The following ARPP21 variants were observed in gnomAD, a reference collection of about 807,000 sequenced individuals.
The protein encoded by ARPP21 is cAMP regulated phosphoprotein 21, also known as cAMP-regulated phosphoprotein 21.
A neutral mutation model predicts 113.2 loss-of-function variants in ARPP21; 69 were observed. The ratio of observed to expected loss-of-function variants is 0.61; its 90% CI spans 0.50 to 0.74. The LOEUF is 0.74. Ranked by LOEUF, ARPP21 falls within the 30% of genes least tolerant of loss-of-function variation. ARPP21 has a pLI of 0.00. For synonymous variants in ARPP21, 368 were observed against 375.5 expected (o/e 0.98, Z 0.23); for missense variants, 1,070 against 1,037.4 (o/e 1.03, Z -0.43).
chr3:35,657,421 G>T (rs988438903), intron 1 of ARPP21, among the ~76,000 whole-genome samples: 2 of 152,102 alleles, frequency 1.3e-5, no homozygotes, highest in Non-Finnish European at 2.9e-5. Flanking sequence ...ATCTGATCAG[G>T]TGATATCAAT....
In ARPP21 at chr3:35,708,984, CCA is replaced by C; in HGVS notation, c.812_813del (p.Pro271LeufsTer2). 1 of 1,612,838 alleles carries C rather than the reference CCA, an allele frequency of 6.2e-7. No homozygotes were observed. Among genetic ancestry groups the C allele is most frequent in the Non-Finnish European group, 8.5e-7 (1 of 1,179,144 alleles). On this transcript the variant is annotated frameshift_variant, in exon 11 of 21. Transcript: ENST00000684406. LOFTEE classifies it high-confidence loss of function. ...KEDNQQNRMH[P>X]FRDDRRSKSI... ...TTCTGTTCAGCAAAACAGAATGCATCCATTTAGAGATGACAGACGAAGTAAAT... is the reference window on the plus strand; with the variant it reads ...TTCTGTTCAGCAAAACAGAATGCATCTTTAGAGATGACAGACGAAGTAAAT...
intron 11 of ARPP21, among the ~76,000 whole-genome samples, chr3:35,713,396 G>A (rs1220760480): frequency 6.6e-6 from 1 of 151,756 alleles, no homozygotes; most frequent in African/African-American, 2.4e-5. Flanking sequence ...TATTGGGTAA[G>A]GTATTTTTTT....
At chr3:35,666,245 C>G (rs1036615334) in intron 1 of ARPP21, among the ~76,000 whole-genome samples, 3 of 152,022 alleles carry the variant, frequency 2.0e-5, no homozygotes, top group Non-Finnish European at 4.4e-5. Context: ...CCACAAACTG[C>G]TATTTTTTTC....
At chr3:35,656,466 A>C (rs1268514320) in intron 1 of ARPP21, among the ~76,000 whole-genome samples, 2 of 152,108 alleles carry the variant, frequency 1.3e-5, no homozygotes, top group African/African-American at 2.4e-5. Flanking sequence ...CATAGAGTGG[A>C]ATATTGCTCA....
intron 5 of ARPP21, 99 bp downstream of exon 5, chr3:35,683,914 A>G (rs2079745470): frequency 3.0e-6 from 3 of 996,186 alleles, no homozygotes; most frequent in Non-Finnish European, 4.8e-6. Flanking sequence ...GGGGAGAAAA[A>G]TATAATTGAA....
intron 13 of ARPP21, among the ~76,000 whole-genome samples, chr3:35,718,174 A>G (rs2092665692): frequency 6.6e-6 from 1 of 152,202 alleles, no homozygotes; most frequent in Non-Finnish European, 1.5e-5. Context: ...ATGTTGAGAA[A>G]GTACATTTTC....
rs549349530 is a variant in ARPP21 at position 35,682,895 on chromosome 3, G to T, written c.171+6G>T. The stretch of plus-strand genomic sequence containing the variant: ...AAGAAAGAAGAAAATCCAAGGTAGG[G>T]TTCTTAACATTCTAGGTAGACCTGA... On this transcript the variant is annotated splice_donor_region_variant and intron_variant, in intron 4 of 20. Coordinates refer to ENST00000684406, the MANE Select transcript of ARPP21 (RefSeq NM_001385562.1). The T allele has an allele frequency of 1.2e-6, 2 of 1,606,970 alleles. No individual in the cohort carries two copies. The highest frequency in any genetic ancestry group is 1.1e-5 in the South Asian group (1 of 90,338).
intron 19 of ARPP21, among the ~76,000 whole-genome samples, chr3:35,782,962 GGTTT>G (rs2096556457): frequency 6.6e-6 from 1 of 151,898 alleles, no homozygotes; most frequent in Admixed American, 6.6e-5. Flanking sequence ...TGAGGTCACC[GGTTT>G]GTTTGTTTTT....
chr3:35,794,061 C>A lies in ARPP21; in HGVS notation c.*103C>A. 1 of 976,458 alleles carries A rather than the reference C, an allele frequency of 1.0e-6. No individual in the cohort carries two copies. The highest frequency in any genetic ancestry group is 1.5e-6 in the Non-Finnish European group (1 of 650,536). 60.5% of individuals were successfully genotyped at this position (976,458 alleles called of 1,614,324 possible). ...TGAGGACTTAAGTATTCACTCAACA[C>A]TCAAATGATTGCTGCTGGTATTCTG... On this transcript the variant is annotated 3_prime_UTR_variant, in exon 21 of 21. Coordinates refer to ENST00000684406, the MANE Select transcript of ARPP21 (RefSeq NM_001385562.1).
At chr3:35,721,405 T>C (rs1036277011) in intron 13 of ARPP21, among the ~76,000 whole-genome samples, 200 bp from the exon 14 acceptor site, 1 of 152,222 alleles carries the variant, frequency 6.6e-6, no homozygotes, top group Non-Finnish European at 1.5e-5. Context: ...TTGTAACCTA[T>C]GTGTTATATG....
At chr3:35,790,288 G>A (rs148118525) in intron 19 of ARPP21, among the ~76,000 whole-genome samples, 13 of 152,278 alleles carry the variant, frequency 8.5e-5, no homozygotes, top group African/African-American at 3.1e-4. Flanking sequence ...GCTCTTTGCT[G>A]TAGAACTAAA....
chr3:35,744,106 T>C (rs796339340), intron 19 of ARPP21, 141 bp downstream of exon 19: 15 of 878,176 alleles, frequency 1.7e-5, no homozygotes, highest in South Asian at 8.2e-5. Flanking sequence ...AAGCATTTGA[T>C]TGACTCTGTG....
rs890127173 is a variant in ARPP21, at chr3:35,639,617, T to C, written c.-994T>C. On this transcript the variant is annotated 5_prime_UTR_variant, in exon 1 of 21. Coordinates refer to ENST00000684406, the MANE Select transcript of ARPP21 (RefSeq NM_001385562.1). This position sits in a 1 kb window ranked among gnomAD's most constrained non-coding sequence, Gnocchi z 5.0. ...TGGGACTGGCAGAGCTACGGACAGG[T>C]GGGAGCAGTCAGACAGCCTGAGAGA... is the stretch of plus-strand genomic sequence containing the variant. 1.3e-5 allele frequency: 2 copies of C among 151,946 alleles called. No individual in the cohort carries two copies. The highest frequency in any genetic ancestry group is 4.9e-5 in the African/African-American group (2 of 41,084). 9.4% of individuals were successfully genotyped at this position (151,946 alleles called of 1,614,324 possible).
intron 19 of ARPP21, among the ~76,000 whole-genome samples, chr3:35,770,997 G>A (rs570220203): frequency 1.3e-5 from 2 of 152,120 alleles, no homozygotes; most frequent in Admixed American, 6.5e-5. Context: ...GAGCTGGAAG[G>A]GTCATCCAGT....
chr3:35,707,385 G>A, intron 10 of ARPP21: 1 of 554,656 alleles, frequency 1.8e-6, no homozygotes, highest in Non-Finnish European at 3.4e-6. Context: ...GAGCTGTGGA[G>A]AAAAGCTTTG....
rs570259685 is a variant in ARPP21, at chr3:35,793,201, T to C, written c.2287-500T>C. Reference sequence around the variant, plus strand: ...CATTGCATCAACTTCTACCTCCACCTCCACAATAAGTGTTCTCTAAAGTTG... The same window carrying C: ...CATTGCATCAACTTCTACCTCCACCCCCACAATAAGTGTTCTCTAAAGTTG... On this transcript the variant is annotated intron_variant, in intron 20 of 20. Transcript: ENST00000684406. Among the ~76,000 whole-genome samples the C allele has an allele frequency of 2.6e-4, 40 of 152,300 alleles. No homozygotes were observed. The South Asian group carries it at 8.1e-3, about 31-fold the overall frequency.
intron 15 of ARPP21, among the ~76,000 whole-genome samples, chr3:35,736,490 T>C (rs181196238): frequency 1.1e-4 from 16 of 152,318 alleles, no homozygotes; most frequent in African/African-American, 3.1e-4. Flanking sequence ...AGCAATACTA[T>C]GACGAATAGC....
chr3:35,727,474 A>G (rs1462224201), intron 14 of ARPP21, among the ~76,000 whole-genome samples: 1 of 152,244 alleles, frequency 6.6e-6, no homozygotes, highest in Non-Finnish European at 1.5e-5. Context: ...AAAGATTATC[A>G]TGCTCTCCAA....
intron 1 of ARPP21, among the ~76,000 whole-genome samples, chr3:35,660,177 TC>T (rs1335773903): frequency 2.6e-5 from 4 of 152,212 alleles, no homozygotes; most frequent in South Asian, 4.1e-4. Flanking sequence ...AGGTATCACT[TC>T]TAAATTACTG....
Sources: gnomAD v4.1 joint callset for allele counts (sites outside exome capture counted in the v4.1 genomes callset) on GRCh38, gnomAD v4.1.1 for gene constraint, Gnocchi (gnomAD v3.1) non-coding constraint, MANE v1.5 for transcripts, NCBI Gene and HGNC (gene_info 2026-07-23, HGNC 2026-07-21) for gene names.